DENND3: variants seen among roughly 807,000 people sequenced by gnomAD.
The protein encoded by DENND3 is DENN domain-containing protein 3.
Under a neutral mutation model 135.1 loss-of-function variants are expected in DENND3, and 88 were observed. That is an observed-to-expected ratio of 0.65 (90% CI 0.55 to 0.78). The LOEUF (loss-of-function observed/expected upper bound fraction) is 0.78, where lower values mean the gene tolerates loss of function less well. Ranked by LOEUF, DENND3 falls within the 30% of genes least tolerant of loss-of-function variation. DENND3 has a pLI of 0.00. For synonymous variants in DENND3, 693 were observed against 712.3 expected, an observed-to-expected ratio of 0.97 and a Z score of 0.43; for missense variants, 1,392 against 1,688.4, an observed-to-expected ratio of 0.82 and a Z score of 3.08.
chr8:141,137,368 C>T lies in DENND3; in HGVS notation c.385+577C>T, dbSNP rs1250521711. ...GAATTGAGTCCTGGAAGGGAGTCTG[C>T]ATGAACTTCCAGGTAAAACCATTTG... On this transcript the variant is annotated intron_variant, in intron 2 of 22. Transcript: ENST00000519811. This position sits in a 1 kb window ranked among gnomAD's most constrained non-coding sequence, Gnocchi z 4.1. Among the ~76,000 whole-genome samples the T allele has an allele frequency of 3.3e-5, 5 of 152,174 alleles. No individual in the cohort carries two copies. The highest frequency in any genetic ancestry group is 2.0e-4 in the Admixed American group (3 of 15,272).
intron 3 of DENND3, among the ~76,000 whole-genome samples, chr8:141,140,570 A>G (rs751736525): frequency 2.0e-5 from 3 of 152,196 alleles, no homozygotes; most frequent in Admixed American, 6.5e-5. Context: ...AAATTTTGTT[A>G]GATAGACAAA....
Position 141,180,872 on chromosome 8 carries a change from G to C in DENND3, c.2944+18G>C, listed in dbSNP as rs1823008274. The stretch of plus-strand genomic sequence containing the variant: ...CACTCCAGGTAAGGCCCCTCTGCCC[G>C]CGCCTCGCTGCCAGTTTTCAGCCAA... On this transcript the variant is annotated intron_variant, in intron 17 of 22. Transcript: ENST00000519811. The C allele has an allele frequency of 6.3e-7, 1 of 1,595,574 alleles. No individual in the cohort carries two copies. Among genetic ancestry groups the C allele is most frequent in the Non-Finnish European group, 8.6e-7 (1 of 1,167,666 alleles).
chr8:141,143,500 G>C (rs573539203), intron 4 of DENND3, among the ~76,000 whole-genome samples: 1 of 152,256 alleles, frequency 6.6e-6, no homozygotes, highest in East Asian at 1.9e-4. Context: ...AAACTCCCGG[G>C]CTCAAGTGAT....
At position 141,167,799 on chromosome 8, in the gene DENND3, C is replaced by T. The variant is rs775623505; in HGVS notation, c.1754-205C>T. On this transcript the variant is annotated intron_variant, in intron 12 of 22. Transcript: ENST00000519811. The surrounding 1 kb of genome is among the most constrained non-coding windows in gnomAD (Gnocchi z 4.1). The stretch of plus-strand genomic sequence containing the variant: ...TTCAGTGAATGCTAGCTGCTATTCT[C>T]CTTGGGGTACCATGGAAGCAAAGTG... Among the ~76,000 whole-genome samples, 1 of 152,146 alleles carries T rather than the reference C, an allele frequency of 6.6e-6. No individual in the cohort carries two copies. The highest frequency in any genetic ancestry group is 1.5e-5 in the Non-Finnish European group (1 of 68,022).
In DENND3 at chr8:141,136,721, G is replaced by T; in HGVS notation, c.315G>T (p.Ala105=). ...AGGGCCTCCCGGGGCCCCCCAGAGC[G>T]CCAGAGCCTGAGGATGTCGCCGTCC... The part of the protein sequence containing the change: ...QWKGLPGPPR[A]PEPEDVAVPG... Residue 105 remains alanine, a synonymous_variant, in exon 2 of 23, where the codon GCG becomes GCT. Coordinates refer to ENST00000519811, the MANE Select transcript of DENND3 (RefSeq NM_001352890.3). 1.2e-6 allele frequency: 2 copies of T among 1,610,110 alleles called. No homozygotes were observed. The highest frequency in any genetic ancestry group is 1.7e-5 in the Admixed American group (1 of 59,388).
At chr8:141,158,208 C>T in intron 8 of DENND3, 1 of 1,289,690 alleles carries the variant, frequency 7.8e-7, no homozygotes, top group Non-Finnish European at 1.0e-6. Flanking sequence ...GGCACCTGAG[C>T]AGCTGTTCTG....
rs1328230552 is a variant in DENND3 at position 141,139,959 on chromosome 8, G to A, written c.502-1244G>A. Among the ~76,000 whole-genome samples the A allele has an allele frequency of 6.6e-6, 1 of 150,924 alleles. No individual in the cohort carries two copies. The highest frequency in any genetic ancestry group is 1.5e-5 in the Non-Finnish European group (1 of 67,860). On this transcript the variant is annotated intron_variant, in intron 3 of 22. Coordinates refer to ENST00000519811, the MANE Select transcript of DENND3 (RefSeq NM_001352890.3). This position sits in a 1 kb window ranked among gnomAD's most constrained non-coding sequence, Gnocchi z 4.2. ...GTCTCGCTGTGTCACCCAGGCTTTA[G>A]TGCAGCGGTGTGATCACGGCTCACT... is the stretch of plus-strand genomic sequence containing the variant.
chr8:141,190,164 A>G (rs192569846), intron 19 of DENND3, 120 bp from the exon 20 acceptor site: 51 of 1,299,370 alleles, frequency 3.9e-5, no homozygotes, highest in Admixed American at 2.9e-5. Flanking sequence ...TCATGTTTGC[A>G]GGTTATCCGT....
In DENND3 at chr8:141,141,225, G is replaced by A. The variant is rs747325721; in HGVS notation, c.524G>A (p.Gly175Asp). ...TAGGATGAGTACTGTTTCTACAATG[G>A]CAAAACGCACCGGGAGTGTCCTGGC... ...PLHDEYCFYN[G>D]KTHRECPGCF... is the part of the protein sequence containing the mutation. The change falls in exon 4 of 23, where the codon GGC (glycine) becomes GAC (aspartate). Residue 175 changes from glycine (G) to aspartate (D), a missense_variant. Transcript: ENST00000519811. This position sits in a 1 kb window ranked among gnomAD's most constrained non-coding sequence, Gnocchi z 5.3. 6.2e-7 allele frequency: 1 copy of A among 1,614,200 alleles called. No individual in the cohort carries two copies. Among genetic ancestry groups the A allele is most frequent in the Non-Finnish European group, 8.5e-7 (1 of 1,180,024 alleles).
rs1181197696 is a variant in DENND3, at chr8:141,139,912, TTTC to T, written c.502-1288_502-1286del. Among the ~76,000 whole-genome samples the T allele has an allele frequency of 1.5e-5, 2 of 134,626 alleles. No homozygotes were observed. Among genetic ancestry groups the T allele is most frequent in the African/African-American group, 5.9e-5 (2 of 33,942 alleles). 88.3% of individuals were successfully genotyped at this position (134,626 alleles called of 152,430 possible). A position where few individuals can be genotyped will look rare whatever the true frequency, so the allele number is the denominator to read the frequency against. ...TGACGCTATATCTATCGTTTTTTTCTTTCTTTTTTTTTTTTGAGACAGTCTCGC... is the reference window on the plus strand; with the variant it reads ...TGACGCTATATCTATCGTTTTTTTCTTTTTTTTTTTTTGAGACAGTCTCGC... On this transcript the variant is annotated intron_variant, in intron 3 of 22. Coordinates refer to ENST00000519811, the MANE Select transcript of DENND3 (RefSeq NM_001352890.3). The surrounding 1 kb of genome is among the most constrained non-coding windows in gnomAD (Gnocchi z 4.2).
intron 7 of DENND3, among the ~76,000 whole-genome samples, chr8:141,155,143 G>A (rs1316114740): frequency 3.3e-5 from 5 of 152,138 alleles, no homozygotes; most frequent in Admixed American, 3.3e-4. Flanking sequence ...GTGCTGGATA[G>A]TGAGTCTCAG....
intron 8 of DENND3, among the ~76,000 whole-genome samples, chr8:141,158,658 T>C (rs1819744125): frequency 6.6e-6 from 1 of 152,298 alleles, no homozygotes; most frequent in East Asian, 1.9e-4. Flanking sequence ...TGGAGTACAA[T>C]ATGCATCTCT....
rs1026999193 is a variant in DENND3 at position 141,182,343 on chromosome 8, T to C, written c.2944+1489T>C. On this transcript the variant is annotated intron_variant, in intron 17 of 22. Transcript: ENST00000519811. The surrounding 1 kb of genome is among the most constrained non-coding windows in gnomAD (Gnocchi z 5.9). Reference sequence around the variant, plus strand: ...CAGGCCAAGAAACCCAGGAACGCGATAGACCCTGGCTGAGTGAGCAGGCAG... The same window carrying C: ...CAGGCCAAGAAACCCAGGAACGCGACAGACCCTGGCTGAGTGAGCAGGCAG... The C allele has an allele frequency of 6.1e-6, 6 of 985,430 alleles. No homozygotes were observed. The highest frequency in any genetic ancestry group is 7.2e-6 in the Non-Finnish European group (6 of 829,936). The allele number at this position is 985,430 out of a possible 1,614,324, so 61.0% of individuals were successfully genotyped here.
intron 16 of DENND3, among the ~76,000 whole-genome samples, chr8:141,178,550 G>A (rs541789646): frequency 4.1e-4 from 62 of 152,358 alleles, no homozygotes; most frequent in Admixed American, 8.5e-4. Context: ...TTGTGGAGCG[G>A]CTCCTGGAAT....
chr8:141,166,183 A>G lies in DENND3; in HGVS notation c.1554-7A>G. 6.2e-7 allele frequency: 1 copy of G among 1,613,368 alleles called. No homozygotes were observed. The highest frequency in any genetic ancestry group is 8.5e-7 in the Non-Finnish European group (1 of 1,179,768). On this transcript the variant is annotated splice_region_variant and splice_polypyrimidine_tract_variant and intron_variant, in intron 11 of 22. Transcript: ENST00000519811. The surrounding 1 kb of genome is among the most constrained non-coding windows in gnomAD (Gnocchi z 4.3). ...ATAAACTAACGCGTTGCTTTTTCGTACCCCAGAATAAATGGAATGCTTCTA... is the reference window on the plus strand; with the variant it reads ...ATAAACTAACGCGTTGCTTTTTCGTGCCCCAGAATAAATGGAATGCTTCTA...
chr8:141,158,018 CCAGAGTGCTCAGATTA>C, intron 8 of DENND3: 1 of 1,146,794 alleles, frequency 8.7e-7, no homozygotes, highest in Non-Finnish European at 1.1e-6. Flanking sequence ...CCTGGGCCTC[CCAGAGTGCTCAGATTA>C]CAGGCGTGAG....
chr8:141,145,837 A>ATTTTT (rs1818029013), intron 5 of DENND3, among the ~76,000 whole-genome samples: 1 of 28,884 alleles, frequency 3.5e-5, no homozygotes, highest in African/African-American at 4.0e-4. Flanking sequence ...ATATATATAT[A>ATTTTT]TATATATATA....
chr8:141,157,842 C>T, intron 8 of DENND3: 1 of 930,556 alleles, frequency 1.1e-6, no homozygotes, highest in South Asian at 4.3e-5. Context: ...TCACTGCAAC[C>T]TCCGCCTTCC....
intron 16 of DENND3, among the ~76,000 whole-genome samples, chr8:141,179,106 C>T (rs1258216272): frequency 6.6e-6 from 1 of 152,226 alleles, no homozygotes; most frequent in Non-Finnish European, 1.5e-5. Context: ...ACAGTTTGCT[C>T]TCTTTGTGGC....
Sources: gnomAD v4.1 joint callset for allele counts (sites outside exome capture counted in the v4.1 genomes callset) on GRCh38, gnomAD v4.1.1 for gene constraint, Gnocchi (gnomAD v3.1) non-coding constraint, MANE v1.5 for transcripts, NCBI Gene and HGNC (gene_info 2026-07-23, HGNC 2026-07-21) for gene names.